HECTD3: variants seen among roughly 807,000 people sequenced by gnomAD.
The protein encoded by HECTD3 is HECT domain E3 ubiquitin protein ligase 3.
A neutral mutation model predicts 109.3 loss-of-function variants in HECTD3; 72 were observed. That is an observed-to-expected ratio of 0.66 (90% CI 0.54 to 0.80). HECTD3 has a LOEUF of 0.80. Ranked by LOEUF, HECTD3 falls within the 30% of genes least tolerant of loss-of-function variation. HECTD3 has a pLI of 0.00. For synonymous variants in HECTD3, 481 were observed against 471.8 expected (o/e 1.02, Z -0.25); for missense variants, 1,041 against 1,165.2 (o/e 0.89, Z 1.55).
chr1:45,007,159 TG>T, intron 11 of HECTD3, 59 bp downstream of exon 11: 4 of 1,444,388 alleles, frequency 2.8e-6, no homozygotes, highest in East Asian at 2.3e-5. Flanking sequence ...TGTGTGTGTT[TG>T]TGTGTGTTTG....
chr1:45,007,211 T>C lies in HECTD3; in HGVS notation c.1556+8A>G, dbSNP rs1644744023. 5 of 1,611,222 alleles carry C rather than the reference T, an allele frequency of 3.1e-6. No individual in the cohort carries two copies. Among genetic ancestry groups the C allele is most frequent in the Non-Finnish European group, 2.5e-6 (3 of 1,178,078 alleles). ...GTCCCGAGTAAGTCCCTCACTCTCA[T>C]GCCATACCTGTAGTCCAGGGGCTTT... is the stretch of plus-strand genomic sequence containing the variant. On this transcript the variant is annotated splice_region_variant and intron_variant, in intron 11 of 20. Transcript: ENST00000372172.
At position 45,004,787 on chromosome 1, in the gene HECTD3, A is replaced by G; in HGVS notation, c.1955T>C (p.Met652Thr). The change falls in exon 16 of 21, where the codon ATG (methionine) becomes ACG (threonine). Residue 652 changes from methionine (M) to threonine (T), a missense_variant. By Grantham distance (81) the Met-to-Thr change is moderately conservative. Transcript: ENST00000372172. ...AAACGTCTCCTTGTCCATTCCTTCC[A>G]TCACTTCCAGGAGCTTCACCTAGGG... Reference protein sequence around the residue: ...DSVLVKLLEVMEGMDKETFEF... With the variant: ...DSVLVKLLEVTEGMDKETFEF... The G allele has an allele frequency of 3.7e-6, 6 of 1,614,126 alleles. No homozygotes were observed. The highest frequency in any genetic ancestry group is 5.1e-6 in the Non-Finnish European group (6 of 1,179,986).
Position 45,006,084 on chromosome 1 carries a change from A to C in HECTD3, c.1758T>G (p.Tyr586Ter). Residue 586 changes from tyrosine (Y) to a stop codon, truncating the protein, a stop_gained, in exon 14 of 21, where the codon TAT becomes TAG. Coordinates refer to ENST00000372172, the MANE Select transcript of HECTD3 (RefSeq NM_024602.6). LOFTEE classifies it high-confidence loss of function. The surrounding 1 kb of genome is among the most constrained non-coding windows in gnomAD (Gnocchi z 4.7). ...AGTCTCGGCAGGAGGGGTTGGGTAC[A>C]TACATGTCCCGAGCCTCACCAGTGC... ...GNGTGEARDM[Y>*]VPNPSCRDFA... 6.2e-6 allele frequency: 10 copies of C among 1,614,162 alleles called. No individual in the cohort carries two copies. The highest frequency in any genetic ancestry group is 8.5e-6 in the Non-Finnish European group (10 of 1,180,014).
chr1:45,006,201 G>A lies in HECTD3; in HGVS notation c.1726-85C>T. On this transcript the variant is annotated intron_variant, in intron 13 of 20. Transcript: ENST00000372172. The surrounding 1 kb of genome is among the most constrained non-coding windows in gnomAD (Gnocchi z 4.7). ...AGACTTCCCTGAACATTTTCCACTGGGAACATTTTCCACTAAATGATCCCT... is the reference window on the plus strand; with the variant it reads ...AGACTTCCCTGAACATTTTCCACTGAGAACATTTTCCACTAAATGATCCCT... The A allele has an allele frequency of 6.5e-7, 1 of 1,533,094 alleles. No homozygotes were observed. Among genetic ancestry groups the A allele is most frequent in the Non-Finnish European group, 8.9e-7 (1 of 1,123,618 alleles). 95.0% of individuals were successfully genotyped at this position (1,533,094 alleles called of 1,614,324 possible).
rs543320673 is a variant in HECTD3, at chr1:45,005,478, T to C, written c.1935+316A>G. The C allele has an allele frequency of 1.9e-3, 521 of 271,884 alleles. 2 individuals are homozygous for C. The highest frequency in any genetic ancestry group is 3.1e-3 in the Non-Finnish European group (451 of 144,014). 16.8% of individuals were successfully genotyped at this position (271,884 alleles called of 1,614,324 possible). ...CTTTGGGATGGGGAGGAGTGGGACA[T>C]GGTGCCCTTCTGAGGCAGGAGCCCT... On this transcript the variant is annotated intron_variant, in intron 15 of 20. Transcript: ENST00000372172.
Position 45,008,644 on chromosome 1 carries a change from T to A in HECTD3, c.1130A>T (p.Glu377Val). The A allele has an allele frequency of 6.2e-7, 1 of 1,613,958 alleles. No individual in the cohort carries two copies. The highest frequency in any genetic ancestry group is 2.2e-5 in the East Asian group (1 of 44,874). Residue 377 changes from glutamate (E) to valine (V), a missense_variant, in exon 8 of 21, where the codon GAA becomes GTA. Glu to Val is a moderately radical substitution (Grantham distance 121). Around this residue, in one of 2 missense-constraint regions of HECTD3, gnomAD observed 569 missense variants for 715.3 expected, o/e 0.80. Coordinates refer to ENST00000372172, the MANE Select transcript of HECTD3 (RefSeq NM_024602.6). ...GAACAGGTCTGCATTCAACCCTAGT[T>A]CCCGCTGTCTAGATGACTTGATCTT... ...GVKIKSSRQR[E>V]LGLNADLFQP...
rs1557728481 is a variant in HECTD3 at position 45,007,155 on chromosome 1, TG to T, written c.1556+63del. The T allele has an allele frequency of 2.3e-5, 32 of 1,399,396 alleles. No individual in the cohort carries two copies. In the African/African-American group the frequency reaches 5.1e-4, roughly 22 times the overall value. 86.7% of individuals were successfully genotyped at this position (1,399,396 alleles called of 1,614,324 possible). ...GTGTGTGTGTGTGTGTGTGTGTGTG[TG>T]TTTGTGTGTGTTTGTGTGCACAAAC... On this transcript the variant is annotated intron_variant, in intron 11 of 20. Transcript: ENST00000372172.
rs199718689 is a variant in HECTD3 at position 45,009,156 on chromosome 1, C to A, written c.1060G>T (p.Val354Leu). The change falls in exon 7 of 21, where the codon GTG becomes TTG. Residue 354 changes from valine to leucine, a missense_variant. By Grantham distance (32) the Val-to-Leu change is conservative. Around this residue, in one of 2 missense-constraint regions of HECTD3, gnomAD observed 569 missense variants for 715.3 expected, o/e 0.80. Transcript: ENST00000372172. ...VHLPIIEIRI[V>L]ECRDDGIDVR... ...CCTTAAACCTCACCTCGGCACTCCA[C>A]GATGCGGATCTCGATGATCGGGAGG... 6.2e-7 allele frequency: 1 copy of A among 1,613,984 alleles called. No homozygotes were observed. Among genetic ancestry groups the A allele is most frequent in the East Asian group, 2.2e-5 (1 of 44,872 alleles).
chr1:45,006,156 A>G lies in HECTD3; in HGVS notation c.1726-40T>C. 1 of 1,596,634 alleles carries G rather than the reference A, an allele frequency of 6.3e-7. No homozygotes were observed. Among genetic ancestry groups the G allele is most frequent in the South Asian group, 1.1e-5 (1 of 90,144 alleles). On this transcript the variant is annotated intron_variant, in intron 13 of 20. Transcript: ENST00000372172. The surrounding 1 kb of genome is among the most constrained non-coding windows in gnomAD (Gnocchi z 4.7). ...GAGCTGTGAGTGTGGCATGAGATAC[A>G]CCCTATTTTCCTGGCCCAAAGACTT...
intron 14 of HECTD3, 46 bp from the exon 15 acceptor site, chr1:45,005,929 A>T: frequency 6.2e-7 from 1 of 1,605,842 alleles, no homozygotes; most frequent in East Asian, 2.2e-5. Flanking sequence ...TGAGCTGCCC[A>T]GGTTTGGCTG....
chr1:45,010,334 C>A (rs369246061), intron 2 of HECTD3, 41 bp from the exon 3 acceptor site: 1 of 1,581,676 alleles, frequency 6.3e-7, no homozygotes. Flanking sequence ...GAGACATCAG[C>A]GGTCAGCAAG....
chr1:45,006,250 C>A lies in HECTD3; in HGVS notation c.1726-134G>T. On this transcript the variant is annotated intron_variant, in intron 13 of 20. Transcript: ENST00000372172. This position sits in a 1 kb window ranked among gnomAD's most constrained non-coding sequence, Gnocchi z 4.7. Reference sequence around the variant, plus strand: ...CTTCAAATGCACAGTGGCTCCTCCTCTCCCTGTCTGCCCAGAGGTTGCCCT... The same window carrying A: ...CTTCAAATGCACAGTGGCTCCTCCTATCCCTGTCTGCCCAGAGGTTGCCCT... The A allele has an allele frequency of 8.6e-7, 1 of 1,157,844 alleles. No individual in the cohort carries two copies. The highest frequency in any genetic ancestry group is 2.4e-5 in the East Asian group (1 of 41,768). The allele number at this position is 1,157,844 out of a possible 1,614,324, so 71.7% of individuals were successfully genotyped here.
chr1:45,010,076 G>A lies in HECTD3; in HGVS notation c.669C>T (p.Ile223=). 6.3e-7 allele frequency: 1 copy of A among 1,584,070 alleles called. No individual in the cohort carries two copies. Among genetic ancestry groups the A allele is most frequent in the Non-Finnish European group, 8.6e-7 (1 of 1,161,618 alleles). ...TGCCCAGGTGGTCATACAAGAAGTG[G>A]ATCAGGTCCTCGTCGCACTCGTAGG... ...TWTYECDEDL[I]HFLYDHLGKE... is the part of the protein sequence containing the mutation. Residue 223 remains isoleucine, a synonymous_variant, in exon 4 of 21, where the codon ATC becomes ATT. Coordinates refer to ENST00000372172, the MANE Select transcript of HECTD3 (RefSeq NM_024602.6).
chr1:45,009,112 T>C (rs1294290566), intron 7 of HECTD3, 32 bp downstream of exon 7: 4 of 1,567,136 alleles, frequency 2.6e-6, no homozygotes, highest in Non-Finnish European at 3.5e-6. Context: ...CACGCCGGGC[T>C]CTCTTTCCCT....
chr1:45,003,639 GC>G lies in HECTD3; in HGVS notation c.2501+29del. ...TACCAGGGGTGATGGGGTCCCCTGG[GC>G]CCCAAATCGAGCCTAGGAAAAAACC... is the stretch of plus-strand genomic sequence containing the variant. On this transcript the variant is annotated intron_variant, in intron 20 of 20. Transcript: ENST00000372172. This position sits in a 1 kb window ranked among gnomAD's most constrained non-coding sequence, Gnocchi z 4.7. 2.5e-6 allele frequency: 4 copies of G among 1,612,218 alleles called. No individual in the cohort carries two copies. The highest frequency in any genetic ancestry group is 3.4e-6 in the Non-Finnish European group (4 of 1,178,226).
Position 45,006,238 on chromosome 1 carries a change from G to T in HECTD3, c.1726-122C>A. ...ACTAAATGATCCCTTCAAATGCACA[G>T]TGGCTCCTCCTCTCCCTGTCTGCCC... On this transcript the variant is annotated intron_variant, in intron 13 of 20. Transcript: ENST00000372172. This position sits in a 1 kb window ranked among gnomAD's most constrained non-coding sequence, Gnocchi z 4.7. 7.8e-7 allele frequency: 1 copy of T among 1,288,950 alleles called. No individual in the cohort carries two copies. The highest frequency in any genetic ancestry group is 1.1e-6 in the Non-Finnish European group (1 of 916,962). The allele number at this position is 1,288,950 out of a possible 1,614,324, so 79.8% of individuals were successfully genotyped here.
chr1:45,003,442 G>A lies in HECTD3; in HGVS notation c.*50C>T, dbSNP rs752757543. ...GGAAGGTGTCTTCGCCCTGGGCAAG[G>A]CCAAGAGGGACACGTGCAGTCTTGC... On this transcript the variant is annotated 3_prime_UTR_variant, in exon 21 of 21. Transcript: ENST00000372172. This position sits in a 1 kb window ranked among gnomAD's most constrained non-coding sequence, Gnocchi z 4.7. 6.4e-7 allele frequency: 1 copy of A among 1,552,166 alleles called. No individual in the cohort carries two copies. The highest frequency in any genetic ancestry group is 1.4e-5 in the African/African-American group (1 of 73,472).
At position 45,009,238 on chromosome 1, in the gene HECTD3, AGT is replaced by A; in HGVS notation, c.990-14_990-13del. The A allele has an allele frequency of 6.2e-7, 1 of 1,606,654 alleles. No individual in the cohort carries two copies. Among genetic ancestry groups the A allele is most frequent in the South Asian group, 1.1e-5 (1 of 90,936 alleles). Reference sequence around the variant, plus strand: ...CCCCGATGAGGGTCCTGAGGAGATGAGTGTGAAGCACTTCAGATACCTCCTGC... The same window carrying A: ...CCCCGATGAGGGTCCTGAGGAGATGAGTGAAGCACTTCAGATACCTCCTGC... On this transcript the variant is annotated splice_polypyrimidine_tract_variant and intron_variant, in intron 6 of 20. Transcript: ENST00000372172.
rs1644706249 is a variant in HECTD3 at position 45,003,295 on chromosome 1, C to CTTGTGGGTCTGCGGGGCTGG, written c.*177_*196dup. ...GAAGCAAGCCCCAGCACGGGTAGGG[C>CTTGTGGGTCTGCGGGGCTGG]TTGTGGGTCTGCGGGGCTGGGCCAC... On this transcript the variant is annotated 3_prime_UTR_variant, in exon 21 of 21. Coordinates refer to ENST00000372172, the MANE Select transcript of HECTD3 (RefSeq NM_024602.6). The surrounding 1 kb of genome is among the most constrained non-coding windows in gnomAD (Gnocchi z 4.7). 1 of 592,254 alleles carries CTTGTGGGTCTGCGGGGCTGG rather than the reference C, an allele frequency of 1.7e-6. No homozygotes were observed. The allele number at this position is 592,254 out of a possible 1,614,324, so 36.7% of individuals were successfully genotyped here. A position where few individuals can be genotyped will look rare whatever the true frequency, so the allele number is the denominator to read the frequency against.
Sources: gnomAD v4.1 joint callset for allele counts on GRCh38, gnomAD v4.1.1 for gene constraint, gnomAD v4.1.1 regional missense constraint, Gnocchi (gnomAD v3.1) non-coding constraint, MANE v1.5 for transcripts, NCBI Gene and HGNC (gene_info 2026-07-23, HGNC 2026-07-21) for gene names.